Variants in GRIN2B observed in about 807,000 individuals in gnomAD.
GRIN2B encodes glutamate receptor ionotropic, NMDA 2B.
Under a neutral mutation model 114.5 loss-of-function variants are expected in GRIN2B, and 5 were observed. That is an observed-to-expected ratio of 0.04 (90% CI 0.02 to 0.09). The LOEUF is 0.09. Ranked by LOEUF, GRIN2B falls within the 10% of genes least tolerant of loss-of-function variation. The pLI is 1.00. For synonymous variants in GRIN2B, 787 were observed against 745.1 expected (o/e 1.06, Z -0.92); for missense variants, 1,108 against 1,943.5 (o/e 0.57, Z 8.08).
chr12:13,703,785 G>A (rs1950333566), intron 4 of GRIN2B, among the ~76,000 whole-genome samples: 1 of 152,094 alleles, frequency 6.6e-6, no homozygotes, highest in Admixed American at 6.6e-5. Context: ...ACCACCATGG[G>A]ATCCTTTTAA....
intron 3 of GRIN2B, among the ~76,000 whole-genome samples, chr12:13,859,265 G>A (rs1008979398): frequency 5.9e-5 from 9 of 152,272 alleles, no homozygotes; most frequent in South Asian, 2.1e-4. Flanking sequence ...ACACCATCAC[G>A]TCCCTGGAAA....
At position 13,547,541 on chromosome 12, in the gene GRIN2B, G is replaced by T. The variant is rs1948358522; in HGVS notation, c.*15242C>A. The T allele has an allele frequency of 6.6e-6, 1 of 152,060 alleles. No homozygotes were observed. 9.4% of individuals were successfully genotyped at this position (152,060 alleles called of 1,614,324 possible). The stretch of plus-strand genomic sequence containing the variant: ...CAATTAGAATGTTTGACTGGCAATG[G>T]CCAGGTAGATTTCACCATTATGTAA... On this transcript the variant is annotated 3_prime_UTR_variant, in exon 14 of 14. Coordinates refer to ENST00000609686, the MANE Select transcript of GRIN2B (RefSeq NM_000834.5).
chr12:13,881,310 C>T (rs996880240), intron 2 of GRIN2B, among the ~76,000 whole-genome samples: 2 of 152,150 alleles, frequency 1.3e-5, no homozygotes, highest in Admixed American at 6.5e-5. Flanking sequence ...TCCACATTTC[C>T]GTGGCCCACT....
chr12:13,939,860 T>A lies in GRIN2B; in HGVS notation c.-19+40068A>T, dbSNP rs138096028. On this transcript the variant is annotated intron_variant, in intron 2 of 13. Transcript: ENST00000609686. ...TCGTTTATAACAACACAAAATGGACTGATACAGTTTTTAATCCAAGAAACA... is the reference window on the plus strand; with the variant it reads ...TCGTTTATAACAACACAAAATGGACAGATACAGTTTTTAATCCAAGAAACA... Among the ~76,000 whole-genome samples, 459 of 152,240 alleles carry A rather than the reference T, an allele frequency of 3.0e-3. 7 individuals are homozygous for A. The highest frequency in any genetic ancestry group is 3.0e-3 in the Non-Finnish European group (206 of 68,008).
At chr12:13,894,889 C>T (rs1802842741) in intron 2 of GRIN2B, among the ~76,000 whole-genome samples, 1 of 152,072 alleles carries the variant, frequency 6.6e-6, no homozygotes, top group Non-Finnish European at 1.5e-5. Context: ...CTAAATCTGT[C>T]TAGGGTCACA....
At position 13,649,161 on chromosome 12, in the gene GRIN2B, T is replaced by A. The variant is rs545257343; in HGVS notation, c.1125+26584A>T. Among the ~76,000 whole-genome samples the A allele has an allele frequency of 3.9e-5, 6 of 152,138 alleles. No individual in the cohort carries two copies. The South Asian group carries it at 1.0e-3, about 26-fold the overall frequency. On this transcript the variant is annotated intron_variant, in intron 5 of 13. Coordinates refer to ENST00000609686, the MANE Select transcript of GRIN2B (RefSeq NM_000834.5). ...GGGTTGTTAGGAATAAGCAAGATAA[T>A]GTATGTGAAGCCGGTAGCATGAGGA...
intron 3 of GRIN2B, among the ~76,000 whole-genome samples, chr12:13,776,956 T>C (rs74065290): frequency 0.019 from 2,949 of 152,144 alleles, 104 homozygotes; most frequent in African/African-American, 0.067. Context: ...CAATGAGCAA[T>C]AATGCAGGCA....
intron 2 of GRIN2B, among the ~76,000 whole-genome samples, chr12:13,968,932 T>TCAAAATGTC (rs1867834247): frequency 6.6e-6 from 1 of 152,224 alleles, no homozygotes; most frequent in South Asian, 2.1e-4. Flanking sequence ...TGGAGAATCT[T>TCAAAATGTC]CAAAATGTCC....
rs568655491 is a variant in GRIN2B, at chr12:13,582,638, G to A, written c.2011-10674C>T. Among the ~76,000 whole-genome samples, 205 of 152,196 alleles carry A rather than the reference G, an allele frequency of 1.3e-3. 1 individual carries two copies. The highest frequency in any genetic ancestry group is 4.5e-3 in the African/African-American group (187 of 41,502). Reference sequence around the variant, plus strand: ...CCTGCCTCTGGCTGTGCTGTCATTCGAGGCTGTATCTTCACAGCTCTGGAT... The same window carrying A: ...CCTGCCTCTGGCTGTGCTGTCATTCAAGGCTGTATCTTCACAGCTCTGGAT... On this transcript the variant is annotated intron_variant, in intron 10 of 13. Transcript: ENST00000609686.
chr12:13,644,643 C>T (rs1431626193), intron 5 of GRIN2B, among the ~76,000 whole-genome samples: 1 of 152,134 alleles, frequency 6.6e-6, no homozygotes, highest in East Asian at 1.9e-4. Flanking sequence ...CAATAGAAGG[C>T]TGTTTTATCT....
intron 5 of GRIN2B, among the ~76,000 whole-genome samples, 182 bp downstream of exon 5, chr12:13,675,563 A>G (rs1950065388): frequency 6.6e-6 from 1 of 152,186 alleles, no homozygotes; most frequent in Non-Finnish European, 1.5e-5. Flanking sequence ...CCCTTGATTA[A>G]CCAAAATAGC....
chr12:13,802,313 T>C (rs1408653593), intron 3 of GRIN2B, among the ~76,000 whole-genome samples: 1 of 151,192 alleles, frequency 6.6e-6, no homozygotes, highest in African/African-American at 2.4e-5. Flanking sequence ...CAAATTTTTT[T>C]TCCATATTGC....
chr12:13,935,259 T>C (rs1367400787), intron 2 of GRIN2B, among the ~76,000 whole-genome samples: 1 of 152,214 alleles, frequency 6.6e-6, no homozygotes, highest in African/African-American at 2.4e-5. Context: ...AAATCTTGAC[T>C]ATAAGCCATA....
intron 2 of GRIN2B, among the ~76,000 whole-genome samples, chr12:13,904,143 T>A (rs1271611891): frequency 6.6e-6 from 1 of 152,046 alleles, no homozygotes; most frequent in Non-Finnish European, 1.5e-5. Context: ...TTAGTTAGTG[T>A]AATTATTGGG....
At chr12:13,830,226 G>C (rs955294809) in intron 3 of GRIN2B, among the ~76,000 whole-genome samples, 3 of 152,150 alleles carry the variant, frequency 2.0e-5, no homozygotes, top group Non-Finnish European at 4.4e-5. Context: ...CATACTTTTT[G>C]TTATGATTGA....
At chr12:13,595,737 C>T (rs1227574243) in intron 10 of GRIN2B, among the ~76,000 whole-genome samples, 1 of 152,142 alleles carries the variant, frequency 6.6e-6, no homozygotes, top group Non-Finnish European at 1.5e-5. Context: ...CATTGTTCTT[C>T]AGCACTTGAA....
intron 5 of GRIN2B, among the ~76,000 whole-genome samples, chr12:13,662,547 T>C (rs938506941): frequency 1.3e-5 from 2 of 152,256 alleles, no homozygotes; most frequent in Non-Finnish European, 2.9e-5. Context: ...ATCATATGTA[T>C]TGATTTGTTT....
At chr12:13,872,509 A>C (rs771169957) in intron 2 of GRIN2B, among the ~76,000 whole-genome samples, 1 of 152,128 alleles carries the variant, frequency 6.6e-6, no homozygotes, top group African/African-American at 2.4e-5. Flanking sequence ...TTAAATAGTA[A>C]TCATCATCAC....
chr12:13,727,683 G>A (rs2136600720), intron 4 of GRIN2B, among the ~76,000 whole-genome samples: 1 of 152,322 alleles, frequency 6.6e-6, no homozygotes, highest in South Asian at 2.1e-4. Context: ...GTGAAATGGT[G>A]ACAGGGATAG....
Sources: allele counts gnomAD v4.1 joint callset (sites outside exome capture counted in the v4.1 genomes callset), GRCh38; gene constraint gnomAD v4.1.1; transcripts MANE v1.5; gene names NCBI Gene and HGNC (gene_info 2026-07-23, HGNC 2026-07-21).